Variants in STAG2 observed in about 807,000 individuals in gnomAD.
The protein encoded by STAG2 is STAG2 cohesin complex component, also known as cohesin subunit SA-2.
In STAG2, 14 loss-of-function variants were observed where a neutral mutation model predicts 108.1. That is an observed-to-expected ratio of 0.13 (90% CI 0.09 to 0.20). The LOEUF (loss-of-function observed/expected upper bound fraction) is 0.20, where lower values mean the gene tolerates loss of function less well. Among genes scored for constraint, STAG2 ranks in the 10% least tolerant of loss-of-function variants. STAG2 has a pLI of 1.00. For missense variants in STAG2, 440 were observed against 940.9 expected, an observed-to-expected ratio of 0.47 and a Z score of 6.96; for synonymous variants, 307 against 302.7, an observed-to-expected ratio of 1.01 and a Z score of -0.15.
intron 1 of STAG2, among the ~76,000 whole-genome samples, chrX:123,987,675 A>G (rs2055262075): frequency 8.9e-6 from 1 of 112,549 alleles, no homozygotes; most frequent in South Asian, 3.6e-4. Flanking sequence ...AAAAAATTGT[A>G]GAGATGCATC....
rs1192051011 is a variant in STAG2, at chrX:124,051,118, T to A, written c.1018-3T>A. 8.7e-6 allele frequency: 8 copies of A among 923,880 alleles called. No individual in the cohort carries two copies. Among genetic ancestry groups the A allele is most frequent in the East Asian group, 3.3e-5 (1 of 30,049 alleles). 76.1% of individuals were successfully genotyped at this position (923,880 alleles called of 1,213,427 possible). A position where few individuals can be genotyped will look rare whatever the true frequency, so the allele number is the denominator to read the frequency against. On this transcript the variant is annotated splice_region_variant and splice_polypyrimidine_tract_variant and intron_variant, in intron 11 of 34. Transcript: ENST00000371145. ...TCTCATCTTTTTTTTTTTTTTTTTTTAGCAAGGTGAAGTAAGACTCAAATG... is the reference window on the plus strand; with the variant it reads ...TCTCATCTTTTTTTTTTTTTTTTTTAAGCAAGGTGAAGTAAGACTCAAATG...
chrX:124,076,199 GGTTATA>G, intron 25 of STAG2, 127 bp from the exon 26 acceptor site: 1 of 616,751 alleles, frequency 1.6e-6, no homozygotes, highest in Non-Finnish European at 2.5e-6. Flanking sequence ...AATTATGAAT[GGTTATA>G]ATTTTAATTT....
chrX:123,987,781 TGTTA>T (rs766536951), intron 1 of STAG2, among the ~76,000 whole-genome samples: 3 of 111,941 alleles, frequency 2.7e-5, no homozygotes, highest in Admixed American at 9.6e-5. Flanking sequence ...TAGGAAGCGT[TGTTA>T]GTTATTACAA....
At chrX:124,006,640 T>C (rs1482215922) in intron 1 of STAG2, among the ~76,000 whole-genome samples, 1 of 110,243 alleles carries the variant, frequency 9.1e-6, no homozygotes, top group East Asian at 2.8e-4. Context: ...GGGGTTTCAC[T>C]GTGTTCATCA....
At chrX:123,970,184 TATACTC>T (rs746369991) in intron 1 of STAG2, among the ~76,000 whole-genome samples, 3 of 109,780 alleles carry the variant, frequency 2.7e-5, no homozygotes, top group Non-Finnish European at 5.7e-5. Flanking sequence ...ACAGCAGTCT[TATACTC>T]AGACTCTTTG....
chrX:124,081,562 T>A, intron 28 of STAG2, 34 bp downstream of exon 28: 1 of 1,082,802 alleles, frequency 9.2e-7, no homozygotes, highest in Non-Finnish European at 1.2e-6. Flanking sequence ...GCTCTCATAT[T>A]TTTTAGTCAT....
chrX:124,089,164 C>T lies in STAG2; in HGVS notation c.3278-1411C>T, dbSNP rs2059191452. 4.5e-5 allele frequency among the ~76,000 whole-genome samples: 5 copies of T among 111,074 alleles called. No homozygotes were observed. The South Asian group carries it at 1.9e-3, about 42-fold the overall frequency. ...GACCTCGTGATCCGCCTGTCTCAGC[C>T]TCCCAAAGTGCTGGGATTATAGGCG... On this transcript the variant is annotated intron_variant, in intron 30 of 34. Transcript: ENST00000371145.
At chrX:123,993,213 C>G (rs749855069) in intron 1 of STAG2, among the ~76,000 whole-genome samples, 74 of 111,087 alleles carry the variant, frequency 6.7e-4, no homozygotes, top group Non-Finnish European at 1.2e-3. Context: ...CACCTGTAAT[C>G]CCAGCCCTTT....
At chrX:124,072,694 G>A in intron 25 of STAG2, among the ~76,000 whole-genome samples, 1 of 105,744 alleles carries the variant, frequency 9.5e-6, no homozygotes, top group African/African-American at 3.5e-5. Flanking sequence ...TGTTGTTGTT[G>A]TTTGTTTGTT....
chrX:124,024,989 A>T (rs2057047782), intron 3 of STAG2, among the ~76,000 whole-genome samples: 1 of 111,982 alleles, frequency 8.9e-6, no homozygotes, highest in Non-Finnish European at 1.9e-5. Context: ...TTTGGAAAGC[A>T]TCACACATAT....
intron 32 of STAG2, 97 bp downstream of exon 32, chrX:124,091,061 T>A: frequency 1.6e-6 from 1 of 619,157 alleles, no homozygotes; most frequent in Non-Finnish European, 2.5e-6. Flanking sequence ...GCAAACTCTC[T>A]AGAGTAACCT....
chrX:123,962,746 C>T (rs2053926774), intron 1 of STAG2, among the ~76,000 whole-genome samples: 1 of 111,627 alleles, frequency 9.0e-6, no homozygotes, highest in South Asian at 3.7e-4. Context: ...AAACGAGGCG[C>T]TTGTGTTGGT....
intron 1 of STAG2, among the ~76,000 whole-genome samples, chrX:123,988,282 A>G (rs2055290396): frequency 9.0e-6 from 1 of 111,676 alleles, no homozygotes; most frequent in African/African-American, 3.3e-5. Flanking sequence ...GTAAACTTTT[A>G]GCATACTATC....
At chrX:123,975,995 T>C (rs1189617990) in intron 1 of STAG2, among the ~76,000 whole-genome samples, 1 of 111,891 alleles carries the variant, frequency 8.9e-6, no homozygotes, top group Admixed American at 9.5e-5. Flanking sequence ...TATGGAAAAA[T>C]AGGTTTCTGC....
At chrX:124,028,305 A>G (rs1054511772) in intron 4 of STAG2, among the ~76,000 whole-genome samples, 2 of 111,292 alleles carry the variant, frequency 1.8e-5, no homozygotes, top group Admixed American at 9.6e-5. Flanking sequence ...AATTTTTTCA[A>G]TATGGTAACC....
At chrX:124,063,346 T>C (rs1310147815) in intron 19 of STAG2, 141 bp downstream of exon 19, 4 of 460,249 alleles carry the variant, frequency 8.7e-6, no homozygotes, top group Admixed American at 9.1e-5. Flanking sequence ...TTCTGTACTT[T>C]AGTTTGACTT....
At chrX:124,005,455 C>A (rs768182188) in intron 1 of STAG2, among the ~76,000 whole-genome samples, 3 of 111,419 alleles carry the variant, frequency 2.7e-5, no homozygotes, top group Non-Finnish European at 5.7e-5. Flanking sequence ...TACACTCACT[C>A]CCCCACCCCT....
intron 1 of STAG2, among the ~76,000 whole-genome samples, chrX:123,976,545 A>T (rs5958365): frequency 9.1e-6 from 1 of 109,798 alleles, no homozygotes; most frequent in Non-Finnish European, 1.9e-5. Context: ...AGAAATGTAA[A>T]CCTGCATTAT....
intron 4 of STAG2, among the ~76,000 whole-genome samples, chrX:124,027,299 T>G (rs2057138205): frequency 8.9e-6 from 1 of 112,219 alleles, no homozygotes; most frequent in Non-Finnish European, 1.9e-5. Flanking sequence ...GCTTGGAATA[T>G]TTTTTGAGTG....
Sources: allele counts gnomAD v4.1 joint callset (sites outside exome capture counted in the v4.1 genomes callset), GRCh38; gene constraint gnomAD v4.1.1; transcripts MANE v1.5; gene names NCBI Gene and HGNC (gene_info 2026-07-23, HGNC 2026-07-21).